KCNAB2: variants seen among roughly 807,000 people sequenced by gnomAD.
The protein encoded by KCNAB2 is voltage-gated potassium channel subunit beta-2.
Under a neutral mutation model 63.6 loss-of-function variants are expected in KCNAB2, and 29 were observed. That is an observed-to-expected ratio of 0.46 (90% confidence interval 0.34 to 0.62). KCNAB2 has a LOEUF of 0.62. Among genes scored for constraint, KCNAB2 ranks in the 20% least tolerant of loss-of-function variants. KCNAB2 has a pLI of 0.01. For synonymous variants in KCNAB2, 222 were observed against 224.2 expected (o/e 0.99, Z 0.09); for missense variants, 359 against 563.9 (o/e 0.64, Z 3.68).
intron 1 of KCNAB2, among the ~76,000 whole-genome samples, chr1:6,049,986 A>T (rs1028829443): frequency 6.6e-6 from 1 of 152,194 alleles, no homozygotes; most frequent in Non-Finnish European, 1.5e-5. Flanking sequence ...ACCCCAGCAC[A>T]TGGGGCTCAT....
At chr1:6,044,213 G>A (rs542529462), upstream of KCNAB2, among the ~76,000 whole-genome samples, 3 of 152,310 alleles carry the variant, frequency 2.0e-5, no homozygotes, top group South Asian at 6.2e-4. Context: ...ATGGCAAAGG[G>A]CATGGGTACA....
At chr1:6,044,614 A>G (rs1660769326), upstream of KCNAB2, among the ~76,000 whole-genome samples, 1 of 152,106 alleles carries the variant, frequency 6.6e-6, no homozygotes. Context: ...ATGCCTAGCG[A>G]TGGGGCACAG....
intron 11 of KCNAB2, 66 bp from the exon 12 acceptor site, chr1:6,095,257 G>T: frequency 6.5e-7 from 1 of 1,528,816 alleles, no homozygotes; most frequent in Non-Finnish European, 8.8e-7. Flanking sequence ...CCTCTCCATG[G>T]CTGCCCCGGC....
Position 6,078,449 on chromosome 1 carries a change from C to T in KCNAB2, c.301-3746C>T, listed in dbSNP as rs530117367. 3.9e-3 allele frequency among the ~76,000 whole-genome samples: 559 copies of T among 144,864 alleles called. 1 individual carries two copies. The highest frequency in any genetic ancestry group is 3.1e-3 in the Non-Finnish European group (203 of 66,042). ...AAGTAGAAAAAGGAGGGCAGGGGGGCGGGGGTCCTGACGACAGGGTGGTCA... is the reference window on the plus strand; with the variant it reads ...AAGTAGAAAAAGGAGGGCAGGGGGGTGGGGGTCCTGACGACAGGGTGGTCA... On this transcript the variant is annotated intron_variant, in intron 4 of 15. Coordinates refer to ENST00000378083, the MANE Select transcript of KCNAB2 (RefSeq NM_001199862.2). The surrounding 1 kb of genome is among the most constrained non-coding windows in gnomAD (Gnocchi z 4.2).
At chr1:6,043,162 A>G (rs1157258647), upstream of KCNAB2, among the ~76,000 whole-genome samples, 1 of 152,112 alleles carries the variant, frequency 6.6e-6, no homozygotes, top group Admixed American at 6.5e-5. Flanking sequence ...GAAACAAAAC[A>G]TGTACCTGAA....
chr1:6,094,562 T>C, intron 11 of KCNAB2, 77 bp downstream of exon 11: 5 of 1,231,286 alleles, frequency 4.1e-6, no homozygotes, highest in Non-Finnish European at 5.8e-6. Context: ...CCCAAAGCTC[T>C]GGCGGGGTCT....
chr1:6,052,699 C>T (rs1661495827), intron 2 of KCNAB2, among the ~76,000 whole-genome samples: 2 of 152,210 alleles, frequency 1.3e-5, no homozygotes, highest in Admixed American at 1.3e-4. Context: ...TTCTGTGCCT[C>T]TCAGGAACAT....
rs572636075 is a variant in KCNAB2 at position 6,071,687 on chromosome 1, C to T, written c.219-1068C>T. 3.3e-5 allele frequency among the ~76,000 whole-genome samples: 5 copies of T among 151,926 alleles called. No homozygotes were observed. Among genetic ancestry groups the T allele is most frequent in the South Asian group, 2.1e-4 (1 of 4,810 alleles). On this transcript the variant is annotated intron_variant, in intron 2 of 15. Coordinates refer to ENST00000378083, the MANE Select transcript of KCNAB2 (RefSeq NM_001199862.2). This position sits in a 1 kb window ranked among gnomAD's most constrained non-coding sequence, Gnocchi z 8.5. The stretch of plus-strand genomic sequence containing the variant: ...CCTGCCACCGCGTAGGGCTCTGCTG[C>T]GTAGGACTCCTGCCGCCGCATAGGG...
At position 6,024,206 on chromosome 1, in the gene KCNAB2, T is replaced by C. The variant is rs1054076915; in HGVS notation, c.-52-16311T>C. On this transcript the variant is annotated intron_variant, in intron 1 of 16. Transcript: ENST00000341524. This position sits in a 1 kb window ranked among gnomAD's most constrained non-coding sequence, Gnocchi z 5.4. Reference sequence around the variant, plus strand: ...ATCCACCCATCTCGGCCTCCCAAAGTTCTGGGATTACAGGCGTGAGACACC... The same window carrying C: ...ATCCACCCATCTCGGCCTCCCAAAGCTCTGGGATTACAGGCGTGAGACACC... 6.6e-6 allele frequency among the ~76,000 whole-genome samples: 1 copy of C among 152,126 alleles called. No homozygotes were observed. Among genetic ancestry groups the C allele is most frequent in the African/African-American group, 2.4e-5 (1 of 41,402 alleles).
chr1:6,088,070 A>C (rs1163286209), intron 7 of KCNAB2, among the ~76,000 whole-genome samples: 4 of 151,238 alleles, frequency 2.6e-5, no homozygotes, highest in Middle Eastern at 3.4e-3. Context: ...TTTATTTTTT[A>C]TTTTTTTGAG....
At chr1:6,062,174 C>T (rs373705246) in intron 2 of KCNAB2, among the ~76,000 whole-genome samples, 11 of 152,014 alleles carry the variant, frequency 7.2e-5, no homozygotes, top group African/African-American at 1.9e-4. Flanking sequence ...ATTAGCCGAG[C>T]GCGGTGGCAC....
intron 15 of KCNAB2, chr1:6,098,230 C>T (rs548576678): frequency 9.3e-4 from 1,157 of 1,239,118 alleles, no homozygotes; most frequent in Non-Finnish European, 1.2e-3. Context: ...CTGCTGCCAC[C>T]ACCCTTCAGG....
At chr1:5,995,449 G>A (rs1258080976) in intron 1 of KCNAB2, among the ~76,000 whole-genome samples, 1 of 152,262 alleles carries the variant, frequency 6.6e-6, no homozygotes, top group Non-Finnish European at 1.5e-5. Context: ...TGTCCCTTCA[G>A]AAGGCCACTT....
At chr1:5,998,842 C>T (rs1657079788) in intron 1 of KCNAB2, among the ~76,000 whole-genome samples, 1 of 152,234 alleles carries the variant, frequency 6.6e-6, no homozygotes, top group Non-Finnish European at 1.5e-5. Context: ...GTCAAAGTGG[C>T]TTCCCTAAGG....
At chr1:6,076,938 C>G (rs1663717947) in intron 4 of KCNAB2, among the ~76,000 whole-genome samples, 1 of 152,170 alleles carries the variant, frequency 6.6e-6, no homozygotes, top group South Asian at 2.1e-4. Flanking sequence ...GTAATCCCAG[C>G]ACTTTGGGAG....
At chr1:6,045,723 G>C (rs1248667082), upstream of KCNAB2, among the ~76,000 whole-genome samples, 1 of 152,146 alleles carries the variant, frequency 6.6e-6, no homozygotes, top group East Asian at 1.9e-4. This position sits in a 1 kb window ranked among gnomAD's most constrained non-coding sequence, Gnocchi z 4.8. Context: ...CAGGCTCTGT[G>C]TCCCGCACTC....
rs1663192175 is a variant in KCNAB2 at position 6,071,625 on chromosome 1, A to AGGCGCCTGCTGCGTAG, written c.219-1126_219-1111dup. ...GTGGGAATCGATGTCACGACAAGCAAGGCGCCTGCTGCGTAGGGCACCTGC... is the reference window on the plus strand; with the variant it reads ...GTGGGAATCGATGTCACGACAAGCAAGGCGCCTGCTGCGTAGGGCGCCTGCTGCGTAGGGCACCTGC... On this transcript the variant is annotated intron_variant, in intron 2 of 15. Coordinates refer to ENST00000378083, the MANE Select transcript of KCNAB2 (RefSeq NM_001199862.2). The surrounding 1 kb of genome is among the most constrained non-coding windows in gnomAD (Gnocchi z 8.5). Among the ~76,000 whole-genome samples, 1 of 152,186 alleles carries AGGCGCCTGCTGCGTAG rather than the reference A, an allele frequency of 6.6e-6. No homozygotes were observed. The highest frequency in any genetic ancestry group is 2.4e-5 in the African/African-American group (1 of 41,452).
intron 1 of KCNAB2, among the ~76,000 whole-genome samples, chr1:6,037,872 CTTTTTT>C (rs1210270485): frequency 2.6e-5 from 3 of 117,624 alleles, no homozygotes; most frequent in Non-Finnish European, 5.3e-5. Flanking sequence ...GAATGAGGGT[CTTTTTT>C]TTTTTTTTTT....
At chr1:6,000,374 C>G (rs368091400) in intron 1 of KCNAB2, among the ~76,000 whole-genome samples, 1 of 152,238 alleles carries the variant, frequency 6.6e-6, no homozygotes, top group African/African-American at 2.4e-5. Context: ...CGCAGGGACA[C>G]AGGGTGCTTT....
Sources: allele counts gnomAD v4.1 joint callset (sites outside exome capture counted in the v4.1 genomes callset), GRCh38; gene constraint gnomAD v4.1.1; non-coding constraint Gnocchi (gnomAD v3.1); transcripts MANE v1.5; gene names NCBI Gene and HGNC (gene_info 2026-07-23, HGNC 2026-07-21).